WASF3: variants seen among roughly 807,000 people sequenced by gnomAD.
WASF3 encodes actin-binding protein WASF3.
WASF3 carries 11 observed loss-of-function variants against 46.6 expected under a neutral mutation model. The ratio of observed to expected loss-of-function variants is 0.24; its 90% CI spans 0.15 to 0.39. The LOEUF is 0.39. Ranked by LOEUF, WASF3 falls within the 10% of genes least tolerant of loss-of-function variation. The pLI, the probability that WASF3 is intolerant of heterozygous loss-of-function variation, is 1.00. For synonymous variants in WASF3, 242 were observed against 259.7 expected (o/e 0.93, Z 0.65); for missense variants, 576 against 669.8 (o/e 0.86, Z 1.55).
At chr13:26,600,346 C>G (rs991088885) in intron 1 of WASF3, among the ~76,000 whole-genome samples, 3 of 152,242 alleles carry the variant, frequency 2.0e-5, no homozygotes, top group Non-Finnish European at 4.4e-5. Context: ...CAAGCCACTT[C>G]ACTTCTCTGT....
the WASF3 span, among the ~76,000 whole-genome samples, chr13:26,547,264 T>C: frequency 1.3e-5 from 2 of 152,166 alleles, no homozygotes; most frequent in Non-Finnish European, 2.9e-5. Context: ...ATATATTTGA[T>C]GAGATACCTT....
the WASF3 span, among the ~76,000 whole-genome samples, chr13:26,546,193 G>T: frequency 3.3e-5 from 5 of 152,156 alleles, no homozygotes; most frequent in African/African-American, 1.2e-4. Flanking sequence ...GGGCCATAGG[G>T]TACCGGCACC....
At chr13:26,622,200 A>G (rs1367689486) in intron 2 of WASF3, among the ~76,000 whole-genome samples, 1 of 152,182 alleles carries the variant, frequency 6.6e-6, no homozygotes, top group Non-Finnish European at 1.5e-5. Flanking sequence ...ACCAGCACAT[A>G]GAAGAGAGAA....
chr13:26,665,276 G>T, intron 4 of WASF3, 114 bp downstream of exon 4: 1 of 1,298,024 alleles, frequency 7.7e-7, no homozygotes, highest in African/African-American at 1.5e-5. Context: ...ATTTCATCTT[G>T]TCTTTCCTAG....
chr13:26,653,512 TC>T (rs939458505), intron 3 of WASF3, among the ~76,000 whole-genome samples: 4 of 152,170 alleles, frequency 2.6e-5, no homozygotes, highest in African/African-American at 9.7e-5. Context: ...GCTGCTAAAA[TC>T]CAGTGGCCAG....
intron 3 of WASF3, among the ~76,000 whole-genome samples, chr13:26,654,915 A>T (rs566021543): frequency 6.6e-6 from 1 of 152,312 alleles, no homozygotes. Context: ...GCCCAATATT[A>T]TGACTTGTTA....
At chr13:26,624,516 A>G (rs1881406719) in intron 2 of WASF3, among the ~76,000 whole-genome samples, 1 of 152,146 alleles carries the variant, frequency 6.6e-6, no homozygotes, top group Non-Finnish European at 1.5e-5. Context: ...AGGAAAAGAG[A>G]AGATACTGTC....
intron 2 of WASF3, among the ~76,000 whole-genome samples, chr13:26,636,421 T>C (rs1384405942): frequency 6.6e-6 from 1 of 152,194 alleles, no homozygotes; most frequent in East Asian, 1.9e-4. Context: ...CTGTCATGGC[T>C]TCCCTTGACG....
the WASF3 span, among the ~76,000 whole-genome samples, chr13:26,541,079 G>A: frequency 5.3e-5 from 8 of 152,146 alleles, no homozygotes; most frequent in Admixed American, 2.0e-4. Context: ...TTATTCCACA[G>A]TAAATAAGTA....
the WASF3 span, among the ~76,000 whole-genome samples, chr13:26,543,084 G>A: frequency 2.6e-5 from 4 of 152,196 alleles, no homozygotes; most frequent in African/African-American, 9.7e-5. Context: ...CTGTGTGGAA[G>A]GGTCAAGCCC....
intron 3 of WASF3, among the ~76,000 whole-genome samples, chr13:26,649,054 A>AT (rs1444157066): frequency 2.0e-5 from 3 of 152,116 alleles, no homozygotes; most frequent in Non-Finnish European, 2.9e-5. Flanking sequence ...CCAAATCTGA[A>AT]TTTTCAGTTC....
intron 3 of WASF3, 72 bp from the exon 4 acceptor site, chr13:26,664,956 T>G: frequency 2.0e-6 from 3 of 1,496,490 alleles, no homozygotes; most frequent in Non-Finnish European, 2.8e-6. Context: ...GAATAAGCAC[T>G]GGTGAGGATG....
chr13:26,663,061 C>T (rs1382410732), intron 3 of WASF3, among the ~76,000 whole-genome samples: 1 of 151,992 alleles, frequency 6.6e-6, no homozygotes, highest in Non-Finnish European at 1.5e-5. Flanking sequence ...AGGAGAGAAA[C>T]GAGGGTCTGG....
At chr13:26,596,721 A>T (rs560662939) in intron 1 of WASF3, among the ~76,000 whole-genome samples, 17 of 152,300 alleles carry the variant, frequency 1.1e-4, no homozygotes, top group Non-Finnish European at 2.4e-4. Context: ...TTCTTAAGAT[A>T]TCTTTTATCC....
rs756762155 is a variant in WASF3, at chr13:26,682,619, G to C, written c.996G>C (p.Ala332=). 4 of 1,614,056 alleles carry C rather than the reference G, an allele frequency of 2.5e-6. No homozygotes were observed. Among genetic ancestry groups the C allele is most frequent in the East Asian group, 2.2e-5 (1 of 44,870 alleles). The change falls in exon 9 of 10, where the codon GCG becomes GCC. Residue 332 remains alanine, a synonymous_variant. Coordinates refer to ENST00000335327, the MANE Select transcript of WASF3 (RefSeq NM_006646.6). The surrounding 1 kb of genome is among the most constrained non-coding windows in gnomAD (Gnocchi z 4.4). ...ATATCTCTCTCAGGATGCTCCCAGC[G>C]CAGATAATTGAGTATTACAACCCAT... ...MAPADYGMLP[A]QIIEYYNPSG...
At chr13:26,548,589 C>T in the WASF3 span, among the ~76,000 whole-genome samples, 3 of 152,200 alleles carry the variant, frequency 2.0e-5, no homozygotes, top group Non-Finnish European at 2.9e-5. Flanking sequence ...TGAGCCCAAC[C>T]CAAGGCCGTA....
intron 5 of WASF3, among the ~76,000 whole-genome samples, chr13:26,668,511 A>G (rs75113083): frequency 0.02 from 3,039 of 152,288 alleles, 106 homozygotes; most frequent in African/African-American, 0.069. Flanking sequence ...AGAACCTTCC[A>G]GGAGCCTGCG....
At chr13:26,620,288 A>C (rs1881266979) in intron 2 of WASF3, among the ~76,000 whole-genome samples, 1 of 152,106 alleles carries the variant, frequency 6.6e-6, no homozygotes, top group African/African-American at 2.4e-5. Context: ...ACAATAAAGG[A>C]CTATAAAACA....
upstream of WASF3, among the ~76,000 whole-genome samples, chr13:26,554,092 C>CCTCT: frequency 4.3e-5 from 1 of 23,262 alleles, no homozygotes; most frequent in Non-Finnish European, 8.3e-5. Flanking sequence ...TCCTTCCTTC[C>CCTCT]TTCCTTCTTT....
Sources: allele counts gnomAD v4.1 joint callset (sites outside exome capture counted in the v4.1 genomes callset), GRCh38; gene constraint gnomAD v4.1.1; non-coding constraint Gnocchi (gnomAD v3.1); transcripts MANE v1.5; gene names NCBI Gene and HGNC (gene_info 2026-07-23, HGNC 2026-07-21).